The following TFCP2L1 variants were observed in gnomAD, a reference collection of about 807,000 sequenced individuals.
TFCP2L1 encodes the protein transcription factor CP2 like 1, also known as transcription factor CP2-like protein 1.
Under a neutral mutation model 72.2 loss-of-function variants are expected in TFCP2L1, and 12 were observed. The observed-to-expected ratio is 0.17, with a 90% confidence interval of 0.11 to 0.27. The LOEUF is 0.27. Ranked by LOEUF, TFCP2L1 falls within the 10% of genes least tolerant of loss-of-function variation. The probability of loss-of-function intolerance (pLI) is 1.00; values close to 1 mark genes in which losing one functional copy is unlikely to be tolerated. For synonymous variants in TFCP2L1, 260 were observed against 251.0 expected, an observed-to-expected ratio of 1.04 and a Z score of -0.34; for missense variants, 488 against 624.6, an observed-to-expected ratio of 0.78 and a Z score of 2.33.
chr2:121,224,204 T>C lies in TFCP2L1; in HGVS notation c.*137A>G, dbSNP rs985440581. ...CAGGCTTCTGCTGGTTGGTGCTCTG[T>C]AGCTTTCACAGACTGGGCAGGGTCC... On this transcript the variant is annotated 3_prime_UTR_variant, in exon 15 of 15. Transcript: ENST00000263707. 1.8e-5 allele frequency: 17 copies of C among 940,140 alleles called. No homozygotes were observed. The highest frequency in any genetic ancestry group is 4.6e-5 in the South Asian group (3 of 64,638). The allele number at this position is 940,140 out of a possible 1,614,324, so 58.2% of individuals were successfully genotyped here.
intron 2 of TFCP2L1, among the ~76,000 whole-genome samples, chr2:121,257,498 C>T (rs1686751437): frequency 6.6e-6 from 1 of 152,204 alleles, no homozygotes; most frequent in Non-Finnish European, 1.5e-5. Flanking sequence ...CTCCTGCCCT[C>T]CACCCACCTG....
intron 2 of TFCP2L1, among the ~76,000 whole-genome samples, chr2:121,263,762 A>C (rs1333751225): frequency 3.3e-5 from 5 of 152,238 alleles, no homozygotes; most frequent in African/African-American, 1.2e-4. Flanking sequence ...GTTTACGACA[A>C]GGCCAGATAA....
chr2:121,269,921 AT>A (rs1193417214), intron 2 of TFCP2L1, among the ~76,000 whole-genome samples: 529 of 44,178 alleles, frequency 0.012, 8 homozygotes, highest in South Asian at 0.088. Flanking sequence ...AAAAAAAAAT[AT>A]ATATATATAT....
chr2:121,271,443 T>C (rs1406041103), intron 2 of TFCP2L1, among the ~76,000 whole-genome samples: 2 of 152,110 alleles, frequency 1.3e-5, no homozygotes, highest in Non-Finnish European at 2.9e-5. Context: ...TACTACTTTA[T>C]ACTCAGGAAA....
intron 11 of TFCP2L1, among the ~76,000 whole-genome samples, chr2:121,234,626 C>T (rs1686206913): frequency 6.6e-6 from 1 of 152,220 alleles, no homozygotes; most frequent in Non-Finnish European, 1.5e-5. Flanking sequence ...GGGACTCAAA[C>T]CCAGGCTCTC....
intron 1 of TFCP2L1, 114 bp from the exon 2 acceptor site, chr2:121,281,385 C>A (rs975359256): frequency 4.9e-6 from 6 of 1,228,226 alleles, no homozygotes; most frequent in Non-Finnish European, 6.7e-6. Context: ...TGACACGGCA[C>A]GCGCATCGCA....
intron 2 of TFCP2L1, among the ~76,000 whole-genome samples, chr2:121,277,060 G>A (rs1286891609): frequency 1.3e-5 from 2 of 152,048 alleles, no homozygotes; most frequent in Admixed American, 6.6e-5. Context: ...GAGCTAAAAG[G>A]TTGGTATTCT....
chr2:121,283,633 T>C (rs1419194766), intron 1 of TFCP2L1, among the ~76,000 whole-genome samples: 3 of 152,190 alleles, frequency 2.0e-5, no homozygotes, highest in African/African-American at 7.2e-5. Context: ...CAAGGGAGAA[T>C]TGTTCCCTAA....
chr2:121,224,269 G>T lies in TFCP2L1; in HGVS notation c.*72C>A. 6.4e-7 allele frequency: 1 copy of T among 1,571,484 alleles called. No individual in the cohort carries two copies. The highest frequency in any genetic ancestry group is 8.7e-7 in the Non-Finnish European group (1 of 1,145,754). On this transcript the variant is annotated 3_prime_UTR_variant, in exon 15 of 15. Coordinates refer to ENST00000263707, the MANE Select transcript of TFCP2L1 (RefSeq NM_014553.3). ...TTGCCTGGTGAGGCCACAGCTTACA[G>T]TGGGGCAATGTCTACATCCACGGGG...
chr2:121,227,887 G>A (rs914356134), intron 13 of TFCP2L1, among the ~76,000 whole-genome samples: 3 of 152,158 alleles, frequency 2.0e-5, no homozygotes, highest in Non-Finnish European at 4.4e-5. Flanking sequence ...AGGGCCTAAT[G>A]ATGCGTGAAG....
chr2:121,263,746 G>A (rs1460128268), intron 2 of TFCP2L1, among the ~76,000 whole-genome samples: 1 of 152,190 alleles, frequency 6.6e-6, no homozygotes, highest in Non-Finnish European at 1.5e-5. Flanking sequence ...CCATTTGTGT[G>A]TGTGTGTTTA....
chr2:121,233,962 G>A lies in TFCP2L1; in HGVS notation c.1198+129C>T, dbSNP rs142743484. 82 of 803,014 alleles carry A rather than the reference G, an allele frequency of 1.0e-4. 1 individual carries two copies. In the African/African-American group the frequency reaches 1.1e-3, roughly 11 times the overall value. The allele number at this position is 803,014 out of a possible 1,614,324, so 49.7% of individuals were successfully genotyped here. A position where few individuals can be genotyped will look rare whatever the true frequency, so the allele number is the denominator to read the frequency against. On this transcript the variant is annotated intron_variant, in intron 12 of 14. Transcript: ENST00000263707. Reference sequence around the variant, plus strand: ...GCATGCACTAGGCTGCCCTTTCCACGTGTGGGCATGTGGGAGCCCAGGACT... The same window carrying A: ...GCATGCACTAGGCTGCCCTTTCCACATGTGGGCATGTGGGAGCCCAGGACT...
chr2:121,260,633 C>T (rs556930372), intron 2 of TFCP2L1, among the ~76,000 whole-genome samples: 4 of 152,292 alleles, frequency 2.6e-5, no homozygotes, highest in South Asian at 4.1e-4. Context: ...TGGGATACAC[C>T]CCCAGGCAGG....
At chr2:121,252,795 G>A (rs1172162341) in intron 2 of TFCP2L1, among the ~76,000 whole-genome samples, 3 of 152,198 alleles carry the variant, frequency 2.0e-5, no homozygotes, top group Admixed American at 1.3e-4. Context: ...TAATTAACAC[G>A]TTTGTAGCAA....
Position 121,223,033 on chromosome 2 carries a change from T to C in TFCP2L1, c.*1308A>G, listed in dbSNP as rs769446674. ...CTCTGAGCCTTGGTTTCCTCATCTA[T>C]AAAACAAGTTCTCCCCATTGTAGAC... On this transcript the variant is annotated 3_prime_UTR_variant, in exon 15 of 15. Transcript: ENST00000263707. The C allele has an allele frequency of 2.0e-5, 3 of 152,222 alleles. No homozygotes were observed. Among genetic ancestry groups the C allele is most frequent in the Non-Finnish European group, 2.9e-5 (2 of 68,038 alleles). 9.4% of individuals were successfully genotyped at this position (152,222 alleles called of 1,614,324 possible). A position where few individuals can be genotyped will look rare whatever the true frequency, so the allele number is the denominator to read the frequency against.
At chr2:121,250,144 T>G (rs1488218179) in intron 2 of TFCP2L1, among the ~76,000 whole-genome samples, 2 of 152,088 alleles carry the variant, frequency 1.3e-5, no homozygotes, top group Non-Finnish European at 2.9e-5. Context: ...AAGAATTCCA[T>G]GTATTTGAAA....
intron 1 of TFCP2L1, among the ~76,000 whole-genome samples, chr2:121,284,348 C>T (rs1436746959): frequency 2.6e-5 from 4 of 152,212 alleles, no homozygotes; most frequent in African/African-American, 9.6e-5. Flanking sequence ...AACAATCCTC[C>T]GGGAGCGAGA....
intron 1 of TFCP2L1, 32 bp from the exon 2 acceptor site, chr2:121,281,303 A>T (rs773350319): frequency 7.7e-6 from 12 of 1,564,724 alleles, no homozygotes; most frequent in Non-Finnish European, 1.0e-5. Context: ...GGTCAGGAGC[A>T]GAGCCCCAGG....
intron 2 of TFCP2L1, 95 bp from the exon 3 acceptor site, chr2:121,249,742 T>C: frequency 1.6e-6 from 2 of 1,287,140 alleles, no homozygotes; most frequent in Admixed American, 1.8e-5. Context: ...TCAGTGCCCA[T>C]CCAGGCCTCA....
Sources: allele counts gnomAD v4.1 joint callset (sites outside exome capture counted in the v4.1 genomes callset), GRCh38; gene constraint gnomAD v4.1.1; transcripts MANE v1.5; gene names NCBI Gene and HGNC (gene_info 2026-07-23, HGNC 2026-07-21).